LPIN1: variants seen among roughly 807,000 people sequenced by gnomAD.
LPIN1 encodes the protein phosphatidate phosphatase LPIN1.
Under a neutral mutation model 107.5 loss-of-function variants are expected in LPIN1, and 71 were observed. The ratio of observed to expected loss-of-function variants is 0.66; its 90% CI spans 0.55 to 0.80. LPIN1 has a LOEUF of 0.80. LPIN1 is among the 30% of genes least tolerant of loss of function. LPIN1 has a pLI of 0.00. For synonymous variants in LPIN1, 445 were observed against 452.6 expected, an observed-to-expected ratio of 0.98 and a Z score of 0.21; for missense variants, 1,043 against 1,160.6, an observed-to-expected ratio of 0.90 and a Z score of 1.47.
chr2:11,726,081 C>T (rs1664620981), intron 1 of LPIN1, among the ~76,000 whole-genome samples: 1 of 152,182 alleles, frequency 6.6e-6, no homozygotes, highest in African/African-American at 2.4e-5. Context: ...CATCAGTTCT[C>T]CATGGCAATC....
At chr2:11,683,924 A>G (rs1661863401) in intron 1 of LPIN1, among the ~76,000 whole-genome samples, 3 of 152,184 alleles carry the variant, frequency 2.0e-5, no homozygotes, top group Non-Finnish European at 4.4e-5. Context: ...TCATCTTTAA[A>G]CTGGGGCTGA....
At position 11,774,709 on chromosome 2, in the gene LPIN1, G is replaced by T. The variant is rs1174380395; in HGVS notation, c.722+964G>T. On this transcript the variant is annotated intron_variant, in intron 5 of 20. Transcript: ENST00000674199. This position sits in a 1 kb window ranked among gnomAD's most constrained non-coding sequence, Gnocchi z 4.4. ...CACCCCTGGTTCCAGTTTGATCAGGGTAACCTTGTGAATTAGCAAGCAGCA... is the reference window on the plus strand; with the variant it reads ...CACCCCTGGTTCCAGTTTGATCAGGTTAACCTTGTGAATTAGCAAGCAGCA... Among the ~76,000 whole-genome samples the T allele has an allele frequency of 6.6e-6, 1 of 152,138 alleles. No individual in the cohort carries two copies. Among genetic ancestry groups the T allele is most frequent in the East Asian group, 1.9e-4 (1 of 5,196 alleles).
At position 11,798,350 on chromosome 2, in the gene LPIN1, C is replaced by T. The variant is rs867698920; in HGVS notation, c.1886+2863C>T. Among the ~76,000 whole-genome samples the T allele has an allele frequency of 5.3e-5, 8 of 152,256 alleles. No homozygotes were observed. The Middle Eastern group carries it at 0.01, about 194-fold the overall frequency. ...AAGAGGACAGCAACTGGGAGGGGCCCGTACACAGTGGGCACAGTGGCATTG... is the reference window on the plus strand; with the variant it reads ...AAGAGGACAGCAACTGGGAGGGGCCTGTACACAGTGGGCACAGTGGCATTG... On this transcript the variant is annotated intron_variant, in intron 14 of 20. Coordinates refer to ENST00000674199, the MANE Select transcript of LPIN1 (RefSeq NM_001349206.2).
chr2:11,770,122 G>A (rs937578142), intron 3 of LPIN1, among the ~76,000 whole-genome samples: 38 of 152,194 alleles, frequency 2.5e-4, no homozygotes, highest in African/African-American at 8.9e-4. Context: ...CACTGCATGT[G>A]GACACCTGCA....
In LPIN1 at chr2:11,783,919, A is replaced by G; in HGVS notation, c.1355A>G (p.Lys452Arg). ...DPEVAALYFP[K>R]NGDPSGLAKH... The stretch of plus-strand genomic sequence containing the variant: ...GAAGTGGCGGCCCTGTATTTTCCCA[A>G]AAAGTAAAATTCCTGTTAATTCCTC... The change falls in exon 9 of 21, where the codon AAA (lysine) becomes AGA (arginine). Residue 452 changes from lysine (K) to arginine (R), a missense_variant. Lys to Arg is a conservative substitution (Grantham distance 26). Coordinates refer to ENST00000674199, the MANE Select transcript of LPIN1 (RefSeq NM_001349206.2). The G allele has an allele frequency of 6.2e-7, 1 of 1,614,010 alleles. No homozygotes were observed. The highest frequency in any genetic ancestry group is 1.1e-5 in the South Asian group (1 of 91,072).
intron 17 of LPIN1, among the ~76,000 whole-genome samples, chr2:11,812,699 T>G (rs1306759153): frequency 6.6e-6 from 1 of 152,170 alleles, no homozygotes; most frequent in Non-Finnish European, 1.5e-5. Context: ...GGGCCAGGTC[T>G]TGTTGGTCTT....
At chr2:11,690,928 A>C (rs961365079) in intron 1 of LPIN1, among the ~76,000 whole-genome samples, 1 of 152,144 alleles carries the variant, frequency 6.6e-6, no homozygotes, top group Non-Finnish European at 1.5e-5. Flanking sequence ...AACAGTCATT[A>C]TCAGATTGTT....
chr2:11,811,252 T>TTGGGC (rs1572970996), intron 17 of LPIN1, among the ~76,000 whole-genome samples: 1 of 152,204 alleles, frequency 6.6e-6, no homozygotes, highest in Non-Finnish European at 1.5e-5. Context: ...GAGCAGGGAC[T>TTGGGC]TGGGCTGGGC....
chr2:11,757,474 A>C (rs1031809524), intron 1 of LPIN1, among the ~76,000 whole-genome samples: 5 of 152,238 alleles, frequency 3.3e-5, no homozygotes, highest in Non-Finnish European at 4.4e-5. Context: ...CATAACTGAG[A>C]GTAAAATTTG....
In LPIN1 at chr2:11,807,212, T is replaced by C. The variant is rs146690266; in HGVS notation, c.2249+2056T>C. On this transcript the variant is annotated intron_variant, in intron 17 of 20. Transcript: ENST00000674199. ...AGGATGAGCACATTTAAAGCTTTGATCAATATTGCCGAATTGCCCTCTCAA... is the reference window on the plus strand; with the variant it reads ...AGGATGAGCACATTTAAAGCTTTGACCAATATTGCCGAATTGCCCTCTCAA... Among the ~76,000 whole-genome samples the C allele has an allele frequency of 1.9e-3, 293 of 152,362 alleles. 1 individual carries two copies. Among genetic ancestry groups the C allele is most frequent in the African/African-American group, 6.4e-3 (268 of 41,578 alleles).
intron 12 of LPIN1, among the ~76,000 whole-genome samples, chr2:11,789,043 C>G (rs1675174861): frequency 6.6e-6 from 1 of 152,238 alleles, no homozygotes; most frequent in African/African-American, 2.4e-5. Context: ...AAACAATTCA[C>G]TAGACAGTCA....
In LPIN1 at chr2:11,773,703, C is replaced by A. The variant is rs781427329; in HGVS notation, c.680C>A (p.Ala227Asp). ...LSLAVIYPQS[A>D]SYPNSDREWS... ...CTGGCTGTGATTTACCCTCAGTCAGCCTCATACCCTAATTCGGATAGAGAG... is the reference window on the plus strand; with the variant it reads ...CTGGCTGTGATTTACCCTCAGTCAGACTCATACCCTAATTCGGATAGAGAG... Residue 227 changes from alanine (A) to aspartate (D), a missense_variant, in exon 5 of 21, where the codon GCC (alanine) becomes GAC (aspartate). Transcript: ENST00000674199. 6.2e-7 allele frequency: 1 copy of A among 1,613,942 alleles called. No homozygotes were observed. Among genetic ancestry groups the A allele is most frequent in the East Asian group, 2.2e-5 (1 of 44,884 alleles).
At chr2:11,749,393 T>TG (rs1169474226) in intron 1 of LPIN1, among the ~76,000 whole-genome samples, 1 of 152,158 alleles carries the variant, frequency 6.6e-6, no homozygotes, top group African/African-American at 2.4e-5. Context: ...CACTGGGCCC[T>TG]GGGGCTGCTG....
intron 1 of LPIN1, among the ~76,000 whole-genome samples, chr2:11,752,432 C>CTTTTTTTTTTTTTTTTTTTTTT (rs1354955148): frequency 2.4e-5 from 2 of 82,652 alleles, no homozygotes; most frequent in African/African-American, 1.6e-4. Flanking sequence ...GTTCCAAGGC[C>CTTTTTTTTTTTTTTTTTTTTTT]ATTTTTTTTT....
intron 1 of LPIN1, among the ~76,000 whole-genome samples, chr2:11,709,942 G>A (rs999219373): frequency 2.6e-5 from 4 of 152,170 alleles, no homozygotes; most frequent in Admixed American, 1.3e-4. Context: ...TGGCAAGAAC[G>A]GTAGCAGTGA....
At chr2:11,725,758 G>T (rs928213797) in intron 1 of LPIN1, among the ~76,000 whole-genome samples, 1 of 152,180 alleles carries the variant, frequency 6.6e-6, no homozygotes, top group Non-Finnish European at 1.5e-5. Flanking sequence ...AGCCAGTGTG[G>T]TCTGACACTC....
chr2:11,799,752 A>G (rs1677361793), intron 14 of LPIN1, among the ~76,000 whole-genome samples: 1 of 151,928 alleles, frequency 6.6e-6, no homozygotes, highest in Non-Finnish European at 1.5e-5. Context: ...TCCATCCTGA[A>G]GTTTTGGGTG....
chr2:11,702,403 G>T (rs1662917632), intron 1 of LPIN1, among the ~76,000 whole-genome samples: 1 of 152,134 alleles, frequency 6.6e-6, no homozygotes. Flanking sequence ...AGGTGATTGG[G>T]GTCTGGGCTC....
At chr2:11,688,220 G>A (rs1172990171) in intron 1 of LPIN1, among the ~76,000 whole-genome samples, 1 of 152,170 alleles carries the variant, frequency 6.6e-6, no homozygotes, top group Non-Finnish European at 1.5e-5. Flanking sequence ...GGAGAGCTTG[G>A]AGCCCTCCCT....
Sources: allele counts gnomAD v4.1 joint callset (sites outside exome capture counted in the v4.1 genomes callset), GRCh38; gene constraint gnomAD v4.1.1; non-coding constraint Gnocchi (gnomAD v3.1); transcripts MANE v1.5; gene names NCBI Gene and HGNC (gene_info 2026-07-23, HGNC 2026-07-21).